Variants in NPAS3 observed in about 807,000 individuals in gnomAD.
NPAS3 encodes the protein neuronal PAS domain protein 3, also known as neuronal PAS domain-containing protein 3.
NPAS3 carries 14 observed loss-of-function variants against 73.1 expected under a neutral mutation model. That is an observed-to-expected ratio of 0.19 (90% confidence interval 0.13 to 0.30). The LOEUF is 0.30. NPAS3 is among the 10% of genes least tolerant of loss of function. The probability of loss-of-function intolerance (pLI) is 1.00; values close to 1 mark genes in which losing one functional copy is unlikely to be tolerated. For missense variants in NPAS3, 1,096 were observed against 1,250.0 expected, an observed-to-expected ratio of 0.88 and a Z score of 1.86; for synonymous variants, 620 against 541.5, an observed-to-expected ratio of 1.14 and a Z score of -2.01.
intron 3 of NPAS3, among the ~76,000 whole-genome samples, chr14:33,224,610 C>G (rs2047555008): frequency 6.6e-6 from 1 of 151,974 alleles, no homozygotes; most frequent in African/African-American, 2.4e-5. Context: ...GAATTTGGGC[C>G]TCTGTGATCC....
rs560111765 is a variant in NPAS3 at position 33,201,547 on chromosome 14, A to C, written c.141-13635A>C. 3.9e-5 allele frequency among the ~76,000 whole-genome samples: 6 copies of C among 152,356 alleles called. No homozygotes were observed. In the East Asian group the frequency reaches 1.2e-3, roughly 29 times the overall value. On this transcript the variant is annotated intron_variant, in intron 2 of 11. Coordinates refer to ENST00000356141, the Ensembl canonical transcript of NPAS3. ...AATATCTCAGCCCAAACAAAACCAA[A>C]TAAAATGCAGAGAAAAGATAGGTAT... is the stretch of plus-strand genomic sequence containing the variant.
chr14:33,066,844 T>A (rs749013978), intron 2 of NPAS3, among the ~76,000 whole-genome samples: 1 of 152,160 alleles, frequency 6.6e-6, no homozygotes, highest in Non-Finnish European at 1.5e-5. Flanking sequence ...CCTACTTCTG[T>A]GTTGGCTGGT....
intron 4 of NPAS3, among the ~76,000 whole-genome samples, chr14:33,382,792 T>A (rs1287008175): frequency 6.6e-6 from 1 of 152,180 alleles, no homozygotes; most frequent in African/African-American, 2.4e-5. Flanking sequence ...ATCCTGTCAC[T>A]TATATTTTTA....
intron 1 of NPAS3, among the ~76,000 whole-genome samples, chr14:32,953,219 T>G (rs1345056297): frequency 6.6e-6 from 1 of 152,176 alleles, no homozygotes; most frequent in Non-Finnish European, 1.5e-5. Flanking sequence ...CTATAGTATT[T>G]TTTTGTAGAA....
At chr14:33,723,111 A>G (rs2061162803) in intron 6 of NPAS3, among the ~76,000 whole-genome samples, 1 of 152,164 alleles carries the variant, frequency 6.6e-6, no homozygotes, top group Admixed American at 6.6e-5. Flanking sequence ...AAAAAGCCAC[A>G]TCATCACACC....
chr14:33,484,363 C>T (rs1185058097), intron 4 of NPAS3, among the ~76,000 whole-genome samples: 1 of 152,154 alleles, frequency 6.6e-6, no homozygotes, highest in Non-Finnish European at 1.5e-5. Context: ...TTAAGTTGAT[C>T]TATATTTGTC....
At chr14:33,141,603 C>T (rs2044045961) in intron 2 of NPAS3, among the ~76,000 whole-genome samples, 3 of 152,072 alleles carry the variant, frequency 2.0e-5, no homozygotes, top group Non-Finnish European at 1.5e-5. Context: ...GCTAGCGTGT[C>T]TCATATCATT....
intron 3 of NPAS3, among the ~76,000 whole-genome samples, chr14:33,240,720 G>C (rs1323323637): frequency 1.3e-5 from 2 of 151,754 alleles, no homozygotes; most frequent in Admixed American, 1.3e-4. Context: ...TTTACAGCTG[G>C]TTCCTAGTCT....
At chr14:33,353,245 T>C (rs1232969678) in intron 3 of NPAS3, among the ~76,000 whole-genome samples, 1 of 152,216 alleles carries the variant, frequency 6.6e-6, no homozygotes, top group African/African-American at 2.4e-5. Context: ...ATAATCAAAA[T>C]TCATTAAATA....
At chr14:33,619,134 T>C (rs1197951271) in intron 5 of NPAS3, among the ~76,000 whole-genome samples, 1 of 152,248 alleles carries the variant, frequency 6.6e-6, no homozygotes, top group East Asian at 1.9e-4. Context: ...TACTTTGAGA[T>C]AGAAGTTCTT....
intron 1 of NPAS3, among the ~76,000 whole-genome samples, chr14:32,997,016 C>T (rs1421945549): frequency 3.3e-5 from 5 of 152,212 alleles, no homozygotes; most frequent in Non-Finnish European, 7.3e-5. Flanking sequence ...TGCAAAGCAA[C>T]AGGGGTGGAG....
intron 3 of NPAS3, among the ~76,000 whole-genome samples, chr14:33,247,140 A>G (rs1265351811): frequency 1.3e-5 from 2 of 150,330 alleles, no homozygotes; most frequent in East Asian, 1.9e-4. Context: ...GTACTTTAAA[A>G]GAGAGTACTT....
At chr14:33,197,267 G>GTGTGTGTGTT (rs1555353807) in intron 2 of NPAS3, among the ~76,000 whole-genome samples, 6,982 of 148,616 alleles carry the variant, frequency 0.047, 256 homozygotes, top group Admixed American at 0.1. Flanking sequence ...GTGTGTGTGT[G>GTGTGTGTGTT]TTCTTTTTCA....
At chr14:33,493,834 T>C (rs1462376992) in intron 4 of NPAS3, among the ~76,000 whole-genome samples, 1 of 152,092 alleles carries the variant, frequency 6.6e-6, no homozygotes, top group African/African-American at 2.4e-5. Flanking sequence ...TCACTAAAGA[T>C]AAAAAGGCTC....
chr14:33,738,669 A>G (rs1206953210), intron 7 of NPAS3, among the ~76,000 whole-genome samples: 1 of 152,280 alleles, frequency 6.6e-6, no homozygotes, highest in East Asian at 1.9e-4. Flanking sequence ...TTTCCCAAAT[A>G]TGAGCTGACA....
At chr14:33,516,759 C>T (rs567975819) in intron 4 of NPAS3, among the ~76,000 whole-genome samples, 8 of 152,054 alleles carry the variant, frequency 5.3e-5, no homozygotes, top group East Asian at 1.9e-4. Flanking sequence ...CGATGGTGGT[C>T]GTGATAATGA....
chr14:33,009,141 G>C (rs555163133), intron 1 of NPAS3, among the ~76,000 whole-genome samples: 2 of 152,172 alleles, frequency 1.3e-5, no homozygotes, highest in African/African-American at 4.8e-5. Context: ...CTTGAGGGCC[G>C]ACTATGGGCT....
chr14:33,180,375 GAGA>G (rs2045747510), intron 2 of NPAS3, among the ~76,000 whole-genome samples: 2 of 152,052 alleles, frequency 1.3e-5, no homozygotes, highest in African/African-American at 4.8e-5. Flanking sequence ...TGTTAAATAA[GAGA>G]AGAAGGAAAG....
chr14:33,152,382 T>TC lies in NPAS3; in HGVS notation c.141-62799dup, dbSNP rs1251344913. On this transcript the variant is annotated intron_variant, in intron 2 of 11. Coordinates refer to ENST00000356141, the Ensembl canonical transcript of NPAS3. ...TCAGGAACCGTCATTGCTGTGTGTCTCACCAGCAAGAGTGATGTTCTAATG... is the reference window on the plus strand; with the variant it reads ...TCAGGAACCGTCATTGCTGTGTGTCTCCACCAGCAAGAGTGATGTTCTAATG... 2.0e-5 allele frequency among the ~76,000 whole-genome samples: 3 copies of TC among 152,154 alleles called. No homozygotes were observed. In the East Asian group the frequency reaches 5.8e-4, roughly 29 times the overall value.
Sources: allele counts gnomAD v4.1 joint callset (sites outside exome capture counted in the v4.1 genomes callset), GRCh38; gene constraint gnomAD v4.1.1; transcripts MANE v1.5; gene names NCBI Gene and HGNC (gene_info 2026-07-23, HGNC 2026-07-21).